ENY2: variants seen among roughly 807,000 people sequenced by gnomAD.
The protein encoded by ENY2 is ENY2 transcription and export complex 2 subunit, also known as transcription and mRNA export factor ENY2.
In ENY2, 4 loss-of-function variants were observed where a neutral mutation model predicts 15.9. That is an observed-to-expected ratio of 0.25 (90% CI 0.12 to 0.57). The LOEUF is 0.57. Among genes scored for constraint, ENY2 ranks in the 20% least tolerant of loss-of-function variants. The pLI, the probability that ENY2 is intolerant of heterozygous loss-of-function variation, is 0.91. For missense variants in ENY2, 54 were observed against 117.2 expected, an observed-to-expected ratio of 0.46 and a Z score of 2.49; for synonymous variants, 48 against 38.0, an observed-to-expected ratio of 1.26 and a Z score of -0.97.
Position 109,340,562 on chromosome 8 carries a change from A to T in ENY2, c.228A>T (p.Arg76Ser), listed in dbSNP as rs1184736341. Residue 76 changes from arginine (R) to serine (S), a missense_variant and splice_region_variant, in exon 4 of 5, where the codon AGA (arginine) becomes AGT (serine). Physicochemically the swap from Arg to Ser is moderately radical, Grantham distance 110 (BLOSUM62 -1). Transcript: ENST00000521688. ...TGGCTGAAATCACTCCAAAAGGCAGAGGTAAGGAATACAGAGTTTGTTAAA... is the reference window on the plus strand; with the variant it reads ...TGGCTGAAATCACTCCAAAAGGCAGTGGTAAGGAATACAGAGTTTGTTAAA... ...DLVAEITPKGRALVPDSVKKE... is the reference protein window; with the variant it reads ...DLVAEITPKGSALVPDSVKKE... The T allele has an allele frequency of 6.2e-7, 1 of 1,613,314 alleles. No homozygotes were observed. Among genetic ancestry groups the T allele is most frequent in the Non-Finnish European group, 8.5e-7 (1 of 1,179,522 alleles).
chr8:109,343,173 C>A (rs578242196), intron 4 of ENY2, among the ~76,000 whole-genome samples: 1 of 152,108 alleles, frequency 6.6e-6, no homozygotes, highest in East Asian at 1.9e-4. Flanking sequence ...AATTTTCTCA[C>A]GTTTTCTTCT....
At chr8:109,335,895 C>T (rs1015761953) in intron 1 of ENY2, 1 of 334,910 alleles carries the variant, frequency 3.0e-6, no homozygotes, top group African/African-American at 2.1e-5. Flanking sequence ...AAATATGTAA[C>T]AATACGTTCT....
intron 2 of ENY2, chr8:109,339,075 T>C (rs965287946): frequency 1.6e-4 from 86 of 531,340 alleles, no homozygotes; most frequent in Non-Finnish European, 6.4e-5. Context: ...TGAAAAGTAT[T>C]TTAGCCCCTC....
intron 1 of ENY2, chr8:109,335,866 C>T (rs114306073): frequency 1.2e-5 from 3 of 253,062 alleles, no homozygotes; most frequent in East Asian, 1.4e-4. Context: ...CAGTAAAATA[C>T]AGATTATTTT....
rs1437988072 is a variant in ENY2 at position 109,345,909 on chromosome 8, T to C, written c.*2428T>C. 1 of 152,198 alleles carries C rather than the reference T, an allele frequency of 6.6e-6. No individual in the cohort carries two copies. The highest frequency in any genetic ancestry group is 1.5e-5 in the Non-Finnish European group (1 of 68,016). The allele number at this position is 152,198 out of a possible 1,614,324, so 9.4% of individuals were successfully genotyped here. On this transcript the variant is annotated 3_prime_UTR_variant, in exon 5 of 5. Transcript: ENST00000521688. ...CAACTTACAAATGTTCTCTAGTTTG[T>C]ATCTAGAATCACTTATATCTTTCAA...
At chr8:109,341,352 G>A (rs542011830) in intron 4 of ENY2, among the ~76,000 whole-genome samples, 1 of 151,900 alleles carries the variant, frequency 6.6e-6, no homozygotes, top group East Asian at 1.9e-4. Flanking sequence ...ACTCCTCCCT[G>A]CTGGGAATAA....
At chr8:109,337,175 A>G (rs955344662) in intron 2 of ENY2, among the ~76,000 whole-genome samples, 1 of 151,962 alleles carries the variant, frequency 6.6e-6, no homozygotes, top group Non-Finnish European at 1.5e-5. Context: ...AGATGGCAGA[A>G]AAATGAGGTA....
chr8:109,337,076 A>ATTTTTTTTTTTTTTTTTTTTTTT, intron 2 of ENY2, among the ~76,000 whole-genome samples: 1 of 151,482 alleles, frequency 6.6e-6, no homozygotes, highest in African/African-American at 2.4e-5. Flanking sequence ...AGTCATTTAA[A>ATTTTTTTTTTTTTTTTTTTTTTT]GTTTTAAGAA....
At chr8:109,336,317 T>C (rs1327886492) in intron 2 of ENY2, 113 bp downstream of exon 2, 16 of 943,394 alleles carry the variant, frequency 1.7e-5, no homozygotes, top group Non-Finnish European at 2.5e-5. Flanking sequence ...ATTGAGATTA[T>C]AAAAGTTTCT....
intron 2 of ENY2, 57 bp downstream of exon 2, chr8:109,336,261 T>C: frequency 1.5e-6 from 2 of 1,374,036 alleles, no homozygotes; most frequent in Non-Finnish European, 2.0e-6. Flanking sequence ...AGTTAGCTTG[T>C]AAGAATCTAA....
intron 2 of ENY2, 82 bp downstream of exon 2, chr8:109,336,286 A>G: frequency 3.6e-6 from 4 of 1,123,162 alleles, no homozygotes; most frequent in South Asian, 2.8e-5. Flanking sequence ...GAAATGAAAC[A>G]TGTCACTGGA....
At position 109,336,242 on chromosome 8, in the gene ENY2, G is replaced by A. The variant is rs369182216; in HGVS notation, c.83+38G>A. On this transcript the variant is annotated intron_variant, in intron 2 of 4. Coordinates refer to ENST00000521688, the MANE Select transcript of ENY2 (RefSeq NM_020189.6). ...TTGTGTTAATAAATTACATTTCACC[G>A]CCTTTAATAGTTAGCTTGTAAGAAT... 126 of 1,491,828 alleles carry A rather than the reference G, an allele frequency of 8.4e-5. No homozygotes were observed. In the Middle Eastern group the frequency reaches 1.0e-3, roughly 12 times the overall value. 92.4% of individuals were successfully genotyped at this position (1,491,828 alleles called of 1,614,324 possible). A position where few individuals can be genotyped will look rare whatever the true frequency, so the allele number is the denominator to read the frequency against.
intron 3 of ENY2, 26 bp from the exon 4 acceptor site, chr8:109,340,463 T>G: frequency 6.2e-7 from 1 of 1,610,084 alleles, no homozygotes; most frequent in Non-Finnish European, 8.5e-7. Context: ...TTAAATGATA[T>G]GATTTGTTTT....
intron 1 of ENY2, 113 bp downstream of exon 1, chr8:109,334,587 T>TC: frequency 7.7e-7 from 1 of 1,303,906 alleles, no homozygotes; most frequent in Non-Finnish European, 1.0e-6. Flanking sequence ...TGTAGGGCTC[T>TC]CCGACAGGGC....
chr8:109,340,370 C>CT, intron 3 of ENY2, 119 bp from the exon 4 acceptor site: 10 of 1,442,070 alleles, frequency 6.9e-6, no homozygotes, highest in African/African-American at 1.4e-5. Context: ...TTTCAGTGTC[C>CT]TTTTTTTAAA....
intron 2 of ENY2, chr8:109,338,989 T>G: frequency 4.2e-6 from 1 of 236,374 alleles, no homozygotes; most frequent in Non-Finnish European, 8.2e-6. Flanking sequence ...TTTCTAGATG[T>G]TGTACAAGAC....
chr8:109,334,532 G>C (rs1200422935), intron 1 of ENY2, 58 bp downstream of exon 1: 4 of 1,582,780 alleles, frequency 2.5e-6, no homozygotes, highest in Non-Finnish European at 3.4e-6. Context: ...GGCTCCTTTC[G>C]ATGTACTGTC....
rs1163685984 is a variant in ENY2 at position 109,345,706 on chromosome 8, G to T, written c.*2225G>T. 3 of 152,036 alleles carry T rather than the reference G, an allele frequency of 2.0e-5. No homozygotes were observed. The highest frequency in any genetic ancestry group is 7.2e-5 in the African/African-American group (3 of 41,396). 9.4% of individuals were successfully genotyped at this position (152,036 alleles called of 1,614,324 possible). ...GAAATAAACCAAATTTGCTCATAGA[G>T]ATACTATTTTATTACCTCAAAAATA... On this transcript the variant is annotated 3_prime_UTR_variant, in exon 5 of 5. Coordinates refer to ENST00000521688, the MANE Select transcript of ENY2 (RefSeq NM_020189.6).
chr8:109,345,098 GT>G lies in ENY2; in HGVS notation c.*1620del, dbSNP rs955127470. On this transcript the variant is annotated 3_prime_UTR_variant, in exon 5 of 5. Transcript: ENST00000521688. ...CCTTTCTCATATGTTTCTCATTCCT[GT>G]TTGCCCTTCAGAGTTCAGCTTTAGT... 6 of 152,256 alleles carry G rather than the reference GT, an allele frequency of 3.9e-5. No homozygotes were observed. The highest frequency in any genetic ancestry group is 1.4e-4 in the African/African-American group (6 of 41,530). 9.4% of individuals were successfully genotyped at this position (152,256 alleles called of 1,614,324 possible). A position where few individuals can be genotyped will look rare whatever the true frequency, so the allele number is the denominator to read the frequency against.
Sources: allele counts gnomAD v4.1 joint callset (sites outside exome capture counted in the v4.1 genomes callset), GRCh38; gene constraint gnomAD v4.1.1; transcripts MANE v1.5; gene names NCBI Gene and HGNC (gene_info 2026-07-23, HGNC 2026-07-21).